MLXIPL: variants seen among roughly 807,000 people sequenced by gnomAD.
MLXIPL encodes MLX interacting protein like.
In MLXIPL, 49 loss-of-function variants were observed where a neutral mutation model predicts 81.5. The observed-to-expected ratio is 0.60, with a 90% CI of 0.48 to 0.76. The LOEUF is 0.76. Ranked by LOEUF, MLXIPL falls within the 30% of genes least tolerant of loss-of-function variation. The pLI, the probability that MLXIPL is intolerant of heterozygous loss-of-function variation, is 0.00. For synonymous variants in MLXIPL, 466 were observed against 485.5 expected, an observed-to-expected ratio of 0.96 and a Z score of 0.53; for missense variants, 1,053 against 1,167.0, an observed-to-expected ratio of 0.90 and a Z score of 1.42.
At chr7:73,631,642 A>G in the MLXIPL span, among the ~76,000 whole-genome samples, 1 of 141,596 alleles carries the variant, frequency 7.1e-6, no homozygotes. Flanking sequence ...CCCAACCTCA[A>G]GTGATCCTCC....
intron 2 of MLXIPL, among the ~76,000 whole-genome samples, chr7:73,607,917 C>A (rs1463828462): frequency 1.5e-5 from 2 of 137,844 alleles, no homozygotes; most frequent in Non-Finnish European, 3.0e-5. Context: ...AGTGCAATGG[C>A]GTGATCTTGG....
At chr7:73,620,427 A>C (rs995925314) in intron 1 of MLXIPL, among the ~76,000 whole-genome samples, 1 of 150,912 alleles carries the variant, frequency 6.6e-6, no homozygotes, top group East Asian at 2.0e-4. Flanking sequence ...AAACAACAAC[A>C]ACAACAACAA....
Position 73,596,622 on chromosome 7 carries a change from G to A in MLXIPL, c.1822+17C>T. ...CATCCCCTAGATTCCCCCAATCCCT[G>A]CAACCCCTCTCTTTACCGCTGGGCG... On this transcript the variant is annotated intron_variant, in intron 11 of 16. Transcript: ENST00000313375. The surrounding 1 kb of genome is among the most constrained non-coding windows in gnomAD (Gnocchi z 4.7). The A allele has an allele frequency of 1.9e-6, 3 of 1,603,156 alleles. No individual in the cohort carries two copies. Among genetic ancestry groups the A allele is most frequent in the Non-Finnish European group, 2.6e-6 (3 of 1,175,046 alleles).
rs556383112 is a variant in MLXIPL at position 73,624,414 on chromosome 7, T to TGTCCGA, written c.73_78dup (p.Ser25_Asp26dup). ...CGGAGACTCGGGTCCTCCGAGTCTG[T>TGTCCGA]GTCCGAGTCCGAGTCTGGGCTGGGC... On this transcript the variant is annotated inframe_insertion, in exon 1 of 17. Transcript: ENST00000313375. 604 of 1,566,916 alleles carry TGTCCGA rather than the reference T, an allele frequency of 3.9e-4. 3 individuals are homozygous for TGTCCGA. In the African/African-American group the frequency reaches 7.3e-3, roughly 19 times the overall value.
At chr7:73,602,909 G>A (rs1794996189) in intron 7 of MLXIPL, among the ~76,000 whole-genome samples, 1 of 152,208 alleles carries the variant, frequency 6.6e-6, no homozygotes, top group African/African-American at 2.4e-5. Context: ...TCTCATCCCT[G>A]AGTCACCAGC....
chr7:73,632,618 G>A, the MLXIPL span, among the ~76,000 whole-genome samples: 1 of 152,062 alleles, frequency 6.6e-6, no homozygotes, highest in Non-Finnish European at 1.5e-5. Context: ...TCCTGTGTGT[G>A]CCTCAGTGTG....
the MLXIPL span, among the ~76,000 whole-genome samples, chr7:73,645,778 T>G: frequency 1.3e-5 from 2 of 152,154 alleles, no homozygotes; most frequent in Admixed American, 1.3e-4. Flanking sequence ...ACCAGGGCTT[T>G]GGAGCCAAGA....
At position 73,597,391 on chromosome 7, in the gene MLXIPL, G is replaced by A. The variant is rs1206602706; in HGVS notation, c.1394C>T (p.Pro465Leu). The A allele has an allele frequency of 1.4e-6, 2 of 1,447,712 alleles. No individual in the cohort carries two copies. Among genetic ancestry groups the A allele is most frequent in the Non-Finnish European group, 1.8e-6 (2 of 1,095,332 alleles). 89.7% of individuals were successfully genotyped at this position (1,447,712 alleles called of 1,614,324 possible). Reference sequence around the variant, plus strand: ...CTCTATGGGGAAGGGGGTGGGGGCTGGGCTGGGGACAGACTGTGGGGTGGG... The same window carrying A: ...CTCTATGGGGAAGGGGGTGGGGGCTAGGCTGGGGACAGACTGTGGGGTGGG... ...FPPTPQSVPSPAPTPFPIELL... is the reference protein window; with the variant it reads ...FPPTPQSVPSLAPTPFPIELL... The change falls in exon 9 of 17, where the codon CCA becomes CTA. Residue 465 changes from proline (P) to leucine (L), a missense_variant. This residue lies in a region of MLXIPL where 823 missense variants were observed against 933.0 expected (regional missense o/e 0.88). Transcript: ENST00000313375.
At chr7:73,620,577 GA>G (rs35474276) in intron 1 of MLXIPL, among the ~76,000 whole-genome samples, 12,072 of 85,864 alleles carry the variant, frequency 0.14, 612 homozygotes, top group Non-Finnish European at 0.18. Flanking sequence ...CACCTGTACT[GA>G]AAAAAAAAAA....
chr7:73,623,069 A>T lies in MLXIPL; in HGVS notation c.293+1131T>A, dbSNP rs1249967132. 1.3e-5 allele frequency among the ~76,000 whole-genome samples: 2 copies of T among 152,012 alleles called. No homozygotes were observed. The highest frequency in any genetic ancestry group is 2.9e-5 in the Non-Finnish European group (2 of 67,992). ...CCCTGGCCGATCGGGTTGCAACATG[A>T]CCTGGGCCAGGGGCCAGAGCTTGTG... On this transcript the variant is annotated intron_variant, in intron 1 of 16. Transcript: ENST00000313375. This position sits in a 1 kb window ranked among gnomAD's most constrained non-coding sequence, Gnocchi z 5.7.
chr7:73,634,188 T>C, the MLXIPL span, among the ~76,000 whole-genome samples: 1 of 151,904 alleles, frequency 6.6e-6, no homozygotes, highest in Non-Finnish European at 1.5e-5. Flanking sequence ...AGTGAAGAAG[T>C]TGGACCAGAC....
chr7:73,624,686 C>CG, upstream of MLXIPL: 1 of 1,147,356 alleles, frequency 8.7e-7, no homozygotes. Flanking sequence ...GGAGCTCTGG[C>CG]GGGTTGGCCC....
chr7:73,607,333 G>A lies in MLXIPL; in HGVS notation c.571C>T (p.Arg191Trp), dbSNP rs1795367279. 1 of 1,562,878 alleles carries A rather than the reference G, an allele frequency of 6.4e-7. No homozygotes were observed. The highest frequency in any genetic ancestry group is 8.7e-7 in the Non-Finnish European group (1 of 1,153,084). The change falls in exon 4 of 17, where the codon CGG becomes TGG. Residue 191 changes from arginine (R) to tryptophan (W), a missense_variant and splice_region_variant. Arg to Trp is a moderately radical substitution (Grantham distance 101, BLOSUM62 -3). Coordinates refer to ENST00000313375, the MANE Select transcript of MLXIPL (RefSeq NM_032951.3). The part of the protein sequence containing the change: ...YHKWRIYYKK[R>W]LRKPSREDDL... ...CTCCCTGGCCCTCCCCCACTGACCC[G>A]CTTCTTGTAGTAGATGCGCCACTTG...
rs782473587 is a variant in MLXIPL at position 73,616,110 on chromosome 7, G to A, written c.361C>T (p.Arg121Cys). ...GLKLLCRDKI[R>C]LNNAIWRAWY... The stretch of plus-strand genomic sequence containing the variant: ...GCCCTCCAGATGGCGTTGTTCAGGC[G>A]GATCTTGTCTCTGCAGAGCAGCTTG... The change falls in exon 2 of 17, where the codon CGC becomes TGC. Residue 121 changes from arginine (R) to cysteine (C), a missense_variant. Physicochemically the swap from Arg to Cys is radical, Grantham distance 180. Coordinates refer to ENST00000313375, the MANE Select transcript of MLXIPL (RefSeq NM_032951.3). The A allele has an allele frequency of 1.7e-5, 28 of 1,613,892 alleles. No homozygotes were observed. The highest frequency in any genetic ancestry group is 5.3e-5 in the African/African-American group (4 of 74,872).
the MLXIPL span, among the ~76,000 whole-genome samples, chr7:73,641,167 G>A: frequency 6.6e-6 from 1 of 152,110 alleles, no homozygotes; most frequent in Non-Finnish European, 1.5e-5. Context: ...AGTGGCGAGT[G>A]CCTTAGTCCC....
At chr7:73,641,582 T>C in the MLXIPL span, among the ~76,000 whole-genome samples, 2,892 of 152,228 alleles carry the variant, frequency 0.019, 99 homozygotes, top group African/African-American at 0.067. Context: ...TATGACACCA[T>C]TTCTCAATTC....
At chr7:73,602,983 C>A (rs1267390383) in intron 7 of MLXIPL, among the ~76,000 whole-genome samples, 2 of 152,218 alleles carry the variant, frequency 1.3e-5, no homozygotes, top group African/African-American at 2.4e-5. Flanking sequence ...TGCTTCCCAG[C>A]CCGAGCTGCT....
chr7:73,602,585 C>A (rs553783904), intron 7 of MLXIPL, among the ~76,000 whole-genome samples: 1 of 151,882 alleles, frequency 6.6e-6, no homozygotes, highest in Non-Finnish European at 1.5e-5. Context: ...GAGGCTGAGA[C>A]AGGAGAATTG....
At chr7:73,626,405 C>T (rs1185913692), upstream of MLXIPL, among the ~76,000 whole-genome samples, 2 of 152,160 alleles carry the variant, frequency 1.3e-5, no homozygotes, top group Admixed American at 1.3e-4. Flanking sequence ...TGGGCCAAAG[C>T]GATCCTCCCA....
Sources: gnomAD v4.1 joint callset for allele counts (sites outside exome capture counted in the v4.1 genomes callset) on GRCh38, gnomAD v4.1.1 for gene constraint, gnomAD v4.1.1 regional missense constraint, Gnocchi (gnomAD v3.1) non-coding constraint, MANE v1.5 for transcripts, NCBI Gene and HGNC (gene_info 2026-07-23, HGNC 2026-07-21) for gene names.